MZF1: variants seen among roughly 807,000 people sequenced by gnomAD.
MZF1 encodes myeloid zinc finger 1, also known as zinc finger and SCAN domain-containing protein 6.
A neutral mutation model predicts 28.6 loss-of-function variants in MZF1; 24 were observed. The observed-to-expected ratio is 0.84, with a 90% CI of 0.61 to 1.18. MZF1 has a LOEUF of 1.18. MZF1 is among the 50% of genes most tolerant of loss of function. The pLI is 0.00. For synonymous variants in MZF1, 516 were observed against 432.5 expected (o/e 1.19, Z -2.40); for missense variants, 1,166 against 1,026.4 (o/e 1.14, Z -1.86).
intron 5 of MZF1, among the ~76,000 whole-genome samples, chr19:58,565,156 T>G (rs529218175): frequency 6.7e-6 from 1 of 150,276 alleles, no homozygotes; most frequent in African/African-American, 2.5e-5. Context: ...TGCAATGGCG[T>G]GTTCTCTGCT....
rs1600099960 is a variant in MZF1 at position 58,564,898 on chromosome 19, G to GTTTTTTTTTTTTTTTTTT, written c.773-1395_773-1394insAAAAAAAAAAAAAAAAAA. Among the ~76,000 whole-genome samples the GTTTTTTTTTTTTTTTTTT allele has an allele frequency of 2.7e-4, 25 of 91,894 alleles. 4 individuals are homozygous for GTTTTTTTTTTTTTTTTTT. The highest frequency in any genetic ancestry group is 1.3e-3 in the African/African-American group (24 of 18,896). 60.3% of individuals were successfully genotyped at this position (91,894 alleles called of 152,430 possible). On this transcript the variant is annotated intron_variant, in intron 5 of 5. Coordinates refer to ENST00000215057, the MANE Select transcript of MZF1 (RefSeq NM_198055.2). ...CAGGGTGGAGAATAAGCATCCATGT[G>GTTTTTTTTTTTTTTTTTT]TGTGTTTTTTTTTTTTTTTTTTTTT...
Position 58,569,362 on chromosome 19 carries a change from G to C in MZF1, c.687C>G (p.His229Gln). The C allele has an allele frequency of 6.2e-7, 1 of 1,614,076 alleles. No homozygotes were observed. Among genetic ancestry groups the C allele is most frequent in the Non-Finnish European group, 8.5e-7 (1 of 1,179,962 alleles). ...CGTVLDQIFP[H>Q]SKTGPEGPSW... ...AGGGACCCTCAGGCCCAGTCTTGCT[G>C]TGGGGAAAGATCTGGTCCAGCACGG... is the stretch of plus-strand genomic sequence containing the variant. Residue 229 changes from histidine to glutamine, a missense_variant, in exon 5 of 6, where the codon CAC (histidine) becomes CAG (glutamine). By Grantham distance (24) the His-to-Gln change is conservative. Transcript: ENST00000215057.
rs772877006 is a variant in MZF1, at chr19:58,565,556, G to A, written c.773-2052C>T. On this transcript the variant is annotated intron_variant, in intron 5 of 5. Transcript: ENST00000215057. ...GTGTGTGTGTGTGCGCACTTGAGAC[G>A]GAGTCTCGCTCTGTTGCCCAGGCTG... Among the ~76,000 whole-genome samples the A allele has an allele frequency of 3.3e-5, 5 of 150,496 alleles. No individual in the cohort carries two copies. In the East Asian group the frequency reaches 6.1e-4, roughly 18 times the overall value.
chr19:58,573,317 A>G lies in MZF1; in HGVS notation c.-303T>C, dbSNP rs2054201748. The stretch of plus-strand genomic sequence containing the variant: ...GGCATGCGCAAGCCTCTCAGGTACA[A>G]CAGACGGCAGCACCGCCTACCAGAT... On this transcript the variant is annotated 5_prime_UTR_variant, in exon 1 of 6. Coordinates refer to ENST00000215057, the MANE Select transcript of MZF1 (RefSeq NM_198055.2). 6.6e-6 allele frequency: 1 copy of G among 152,546 alleles called. No homozygotes were observed. The allele number at this position is 152,546 out of a possible 1,614,324, so 9.4% of individuals were successfully genotyped here.
chr19:58,569,436 G>A lies in MZF1; in HGVS notation c.652-39C>T, dbSNP rs201857024. ...GGTCACTGCTCCTCTGTGCCTGGCTGGGCTCAGGGAGGGACCTACCTGACC... is the reference window on the plus strand; with the variant it reads ...GGTCACTGCTCCTCTGTGCCTGGCTAGGCTCAGGGAGGGACCTACCTGACC... On this transcript the variant is annotated intron_variant, in intron 4 of 5. Transcript: ENST00000215057. The A allele has an allele frequency of 6.2e-6, 10 of 1,613,964 alleles. No individual in the cohort carries two copies. In the East Asian group the frequency reaches 2.0e-4, roughly 32 times the overall value.
chr19:58,563,049 G>T lies in MZF1; in HGVS notation c.1228C>A (p.Arg410=), dbSNP rs552709564. The part of the protein sequence containing the change: ...LRHQLTHTEE[R]PFVCGDCGQG... Reference sequence around the variant, plus strand: ...CCACAGTCGCCGCACACGAACGGCCGCTCCTCGGTGTGCGTAAGCTGGTGG... The same window carrying T: ...CCACAGTCGCCGCACACGAACGGCCTCTCCTCGGTGTGCGTAAGCTGGTGG... Residue 410 remains arginine (R), a synonymous_variant, in exon 6 of 6, where the codon CGG becomes AGG. Coordinates refer to ENST00000215057, the MANE Select transcript of MZF1 (RefSeq NM_198055.2). The T allele has an allele frequency of 2.5e-6, 4 of 1,602,406 alleles. No individual in the cohort carries two copies. Among genetic ancestry groups the T allele is most frequent in the Non-Finnish European group, 2.5e-6 (3 of 1,179,552 alleles).
In MZF1 at chr19:58,563,242, G is replaced by T; in HGVS notation, c.1035C>A (p.Arg345=). The T allele has an allele frequency of 6.2e-7, 1 of 1,608,752 alleles. No individual in the cohort carries two copies. Among genetic ancestry groups the T allele is most frequent in the Non-Finnish European group, 8.5e-7 (1 of 1,178,046 alleles). Residue 345 remains arginine, a synonymous_variant, in exon 6 of 6, where the codon CGC becomes CGA. Transcript: ENST00000215057. ...WRSPRGRSRG[R]PSTGGGVVRG... Reference sequence around the variant, plus strand: ...TAACCACCCCGCCCCCAGTGCTGGGGCGGCCCCGGCTCCGGCCCCTGGGGG... The same window carrying T: ...TAACCACCCCGCCCCCAGTGCTGGGTCGGCCCCGGCTCCGGCCCCTGGGGG...
intron 3 of MZF1, 125 bp downstream of exon 3, chr19:58,570,219 C>T: frequency 9.5e-7 from 1 of 1,055,790 alleles, no homozygotes. Context: ...GTGGGGGCTG[C>T]TGGCAGATGG....
At position 58,571,105 on chromosome 19, in the gene MZF1, T is replaced by C; in HGVS notation, c.285A>G (p.Ala95=). 2 of 1,613,936 alleles carry C rather than the reference T, an allele frequency of 1.2e-6. No homozygotes were observed. Among genetic ancestry groups the C allele is most frequent in the Non-Finnish European group, 1.7e-6 (2 of 1,179,994 alleles). ...ELLVLEQFLG[A]LPPEIQARVQ... ...CACGGGCCTGGATCTCAGGGGGCAG[T>C]GCGCCCAGGAACTGCTCCAGCACCA... The change falls in exon 2 of 6, where the codon GCA becomes GCG. Residue 95 remains alanine, a synonymous_variant. Transcript: ENST00000215057.
Position 58,562,183 on chromosome 19 carries a change from C to T in MZF1, c.2094G>A (p.Gln698=), listed in dbSNP as rs918096242. ...KAFRQRPTLT[Q]HLRTHRREKP... ...TCTCTCGTCGGTGGGTGCGCAGATG[C>T]TGCGTGAGCGTGGGCCGCTGGCGGA... Residue 698 remains glutamine, a synonymous_variant, in exon 6 of 6, where the codon CAG becomes CAA. Coordinates refer to ENST00000215057, the MANE Select transcript of MZF1 (RefSeq NM_198055.2). 12 of 1,604,826 alleles carry T rather than the reference C, an allele frequency of 7.5e-6. No homozygotes were observed. The East Asian group carries it at 2.7e-4, about 36-fold the overall frequency.
intron 5 of MZF1, among the ~76,000 whole-genome samples, chr19:58,565,242 G>A (rs565711790): frequency 6.6e-6 from 1 of 151,798 alleles, no homozygotes; most frequent in East Asian, 1.9e-4. Context: ...TTACAGGCAT[G>A]CACCACCACA....
At chr19:58,565,166 T>A (rs2054023766) in intron 5 of MZF1, among the ~76,000 whole-genome samples, 1 of 151,336 alleles carries the variant, frequency 6.6e-6, no homozygotes, top group Non-Finnish European at 1.5e-5. Context: ...TGTTCTCTGC[T>A]CACTGCAAAC....
chr19:58,571,514 C>G, intron 1 of MZF1, 85 bp from the exon 2 acceptor site: 1 of 1,227,982 alleles, frequency 8.1e-7, no homozygotes. Flanking sequence ...GTTTGATCCT[C>G]AGACCTACCC....
In MZF1 at chr19:58,571,036, T is replaced by G; in HGVS notation, c.354A>C (p.Leu118=). 6.2e-7 allele frequency: 1 copy of G among 1,612,586 alleles called. No individual in the cohort carries two copies. ...CCGGCTCCCGGCGCAGCCCATCTAC[T>G]AGGGCAGCAGCCTCCTCGGGGCTGC... ...RPGSPEEAAA[L]VDGLRREPGG... is the part of the protein sequence containing the mutation. The change falls in exon 2 of 6, where the codon CTA becomes CTC. Residue 118 remains leucine, a synonymous_variant. Transcript: ENST00000215057.
chr19:58,563,203 G>A lies in MZF1; in HGVS notation c.1074C>T (p.Cys358=), dbSNP rs748715024. ...TGGGVVRGGR[C]DVCGKVFSQR... is the part of the protein sequence containing the mutation. ...GGCTGAACACCTTGCCACATACATC[G>A]CAACGGCCGCCCCTAACCACCCCGC... The change falls in exon 6 of 6, where the codon TGC becomes TGT. Residue 358 remains cysteine (C), a synonymous_variant. Coordinates refer to ENST00000215057, the MANE Select transcript of MZF1 (RefSeq NM_198055.2). 2 of 1,611,008 alleles carry A rather than the reference G, an allele frequency of 1.2e-6. No individual in the cohort carries two copies. The highest frequency in any genetic ancestry group is 1.7e-4 in the Middle Eastern group (1 of 6,050).
At position 58,571,150 on chromosome 19, in the gene MZF1, C is replaced by T. The variant is rs1248677866; in HGVS notation, c.240G>A (p.Lys80=). The T allele has an allele frequency of 3.1e-6, 5 of 1,614,108 alleles. No individual in the cohort carries two copies. Among genetic ancestry groups the T allele is most frequent in the South Asian group, 2.2e-5 (2 of 91,076 alleles). ...GCACCAACAGCTCCAGCATCTGCTCCTTGGAGCGTACCTCTGGACGCAGCC... is the reference window on the plus strand; with the variant it reads ...GCACCAACAGCTCCAGCATCTGCTCTTTGGAGCGTACCTCTGGACGCAGCC... ...RQWLRPEVRS[K]EQMLELLVLE... The change falls in exon 2 of 6, where the codon AAG becomes AAA. Residue 80 remains lysine, a synonymous_variant. Transcript: ENST00000215057.
chr19:58,564,531 A>C (rs2054001428), intron 5 of MZF1: 1 of 152,238 alleles, frequency 6.6e-6, no homozygotes, highest in Non-Finnish European at 1.5e-5. Flanking sequence ...ATCTCCTCCT[A>C]GTAAGAAAAA....
At chr19:58,569,624 T>G in intron 3 of MZF1, 38 bp from the exon 4 acceptor site, 1 of 1,517,164 alleles carries the variant, frequency 6.6e-7, no homozygotes, top group Non-Finnish European at 9.0e-7. Context: ...CCTGAGTGAG[T>G]TTCCACCCCA....
chr19:58,564,788 G>T (rs778304563), intron 5 of MZF1, among the ~76,000 whole-genome samples: 2 of 152,028 alleles, frequency 1.3e-5, no homozygotes, highest in Admixed American at 6.6e-5. Flanking sequence ...GCCACAGTGG[G>T]GTTCTGTGTA....
Sources: gnomAD v4.1 joint callset for allele counts (sites outside exome capture counted in the v4.1 genomes callset) on GRCh38, gnomAD v4.1.1 for gene constraint, MANE v1.5 for transcripts, NCBI Gene and HGNC (gene_info 2026-07-23, HGNC 2026-07-21) for gene names.